Variants in TMEM98 observed in about 807,000 individuals in gnomAD.
The protein encoded by TMEM98 is transmembrane protein 98.
In TMEM98, 18 loss-of-function variants were observed where a neutral mutation model predicts 25.0. The observed-to-expected ratio is 0.72, with a 90% CI of 0.50 to 1.07. The LOEUF (loss-of-function observed/expected upper bound fraction) is 1.07. Among genes scored for constraint, TMEM98 ranks in the 50% least tolerant of loss-of-function variants. The pLI is 0.00. For missense variants in TMEM98, 241 were observed against 289.0 expected, an observed-to-expected ratio of 0.83 and a Z score of 1.20; for synonymous variants, 103 against 112.4, an observed-to-expected ratio of 0.92 and a Z score of 0.53.
At chr17:32,928,897 C>T (rs919978974) in intron 1 of TMEM98, among the ~76,000 whole-genome samples, 45 of 143,882 alleles carry the variant, frequency 3.1e-4, no homozygotes, top group African/African-American at 1.3e-3. Context: ...CACACGCACT[C>T]AGAGGCACAC....
intron 5 of TMEM98, 29 bp from the exon 6 acceptor site, chr17:32,936,303 C>A: frequency 6.3e-7 from 1 of 1,592,188 alleles, no homozygotes; most frequent in Non-Finnish European, 8.6e-7. Context: ...CCAGGTCAGC[C>A]CTCATCTCTC....
chr17:32,934,430 A>G (rs2091485415), intron 5 of TMEM98, 106 bp downstream of exon 5: 4 of 1,296,916 alleles, frequency 3.1e-6, no homozygotes, highest in Non-Finnish European at 4.4e-6. Flanking sequence ...CTCTCGCAAG[A>G]GGCCTTTCCT....
rs28258 is a variant in TMEM98, at chr17:32,941,006, A to T, written c.*13A>T. ...GTCTGCAATTTAGTGCCTACAGGCC[A>T]GCAGCTAGCCATGAAGGCCCCTGCC... On this transcript the variant is annotated 3_prime_UTR_variant, in exon 8 of 8. Coordinates refer to ENST00000579849, the MANE Select transcript of TMEM98 (RefSeq NM_015544.3). 0.057 allele frequency: 90,460 copies of T among 1,584,718 alleles called. 4,452 individuals are homozygous for T. The highest frequency in any genetic ancestry group is 0.25 in the African/African-American group (18,832 of 74,160).
chr17:32,942,462 GC>G lies in TMEM98; in HGVS notation c.*1470del, dbSNP rs1417806138. On this transcript the variant is annotated 3_prime_UTR_variant, in exon 8 of 8. Coordinates refer to ENST00000579849, the MANE Select transcript of TMEM98 (RefSeq NM_015544.3). ...CTAACTGAAGTCAGAAAATTCCTCA[GC>G]TGGATTCTGGGGAACCAGGAACCCA... 6.6e-6 allele frequency: 1 copy of G among 152,230 alleles called. No individual in the cohort carries two copies. Among genetic ancestry groups the G allele is most frequent in the African/African-American group, 2.4e-5 (1 of 41,456 alleles). 9.4% of individuals were successfully genotyped at this position (152,230 alleles called of 1,614,324 possible).
rs1293564183 is a variant in TMEM98, at chr17:32,936,352, G to T, written c.318G>T (p.Glu106Asp). The T allele has an allele frequency of 6.2e-7, 1 of 1,614,050 alleles. No homozygotes were observed. The highest frequency in any genetic ancestry group is 8.5e-7 in the Non-Finnish European group (1 of 1,180,018). ...AILKICHTLT[E>D]KLVAMTMGSG... is the part of the protein sequence containing the mutation. ...ATTAGATTTGTCACACTCTGACAGA[G>T]AAGCTTGTTGCCATGACAATGGGCT... Residue 106 changes from glutamate to aspartate, a missense_variant, in exon 6 of 8, where the codon GAG becomes GAT. Physicochemically the swap from Glu to Asp is conservative, Grantham distance 45. Coordinates refer to ENST00000579849, the MANE Select transcript of TMEM98 (RefSeq NM_015544.3).
At position 32,942,490 on chromosome 17, in the gene TMEM98, A is replaced by G. The variant is rs2091536033; in HGVS notation, c.*1497A>G. The G allele has an allele frequency of 6.6e-6, 1 of 152,238 alleles. No individual in the cohort carries two copies. The highest frequency in any genetic ancestry group is 1.5e-5 in the Non-Finnish European group (1 of 68,048). 9.4% of individuals were successfully genotyped at this position (152,238 alleles called of 1,614,324 possible). ...GGATTCTGGGGAACCAGGAACCCATATTCCCAAATCCAAGATTGGGACCTG... is the reference window on the plus strand; with the variant it reads ...GGATTCTGGGGAACCAGGAACCCATGTTCCCAAATCCAAGATTGGGACCTG... On this transcript the variant is annotated 3_prime_UTR_variant, in exon 8 of 8. Coordinates refer to ENST00000579849, the MANE Select transcript of TMEM98 (RefSeq NM_015544.3).
intron 4 of TMEM98, 102 bp downstream of exon 4, chr17:32,933,407 C>A: frequency 1.4e-6 from 2 of 1,471,830 alleles, no homozygotes; most frequent in South Asian, 1.2e-5. Context: ...AACAGTCACT[C>A]TGTTACTTGC....
chr17:32,928,943 C>T (rs1241971051), intron 1 of TMEM98, among the ~76,000 whole-genome samples: 5 of 126,802 alleles, frequency 3.9e-5, no homozygotes, highest in Admixed American at 1.6e-4. Flanking sequence ...GAAGCACACT[C>T]AAACATTCAG....
Position 32,933,287 on chromosome 17 carries a change from A to C in TMEM98, c.245A>C (p.Asp82Ala), listed in dbSNP as rs1402663900. Reference protein sequence around the residue: ...PHIEAILENEDWIEDASGLMS... With the variant: ...PHIEAILENEAWIEDASGLMS... ...ATTGAGGCCATTCTGGAGAATGAAG[A>C]CTGGATCGAAGATGCCTCGTAAGGC... Residue 82 changes from aspartate to alanine, a missense_variant, in exon 4 of 8, where the codon GAC becomes GCC. Asp to Ala is a moderately radical substitution (Grantham distance 126). Transcript: ENST00000579849. The C allele has an allele frequency of 6.2e-7, 1 of 1,614,126 alleles. No homozygotes were observed. The highest frequency in any genetic ancestry group is 8.5e-7 in the Non-Finnish European group (1 of 1,180,002).
At chr17:32,938,949 A>G (rs1045552825) in intron 6 of TMEM98, among the ~76,000 whole-genome samples, 3 of 152,238 alleles carry the variant, frequency 2.0e-5, no homozygotes, top group African/African-American at 7.2e-5. Flanking sequence ...TTAAAAAACC[A>G]TTGGAACTGA....
rs755559228 is a variant in TMEM98, at chr17:32,934,271, A to T, written c.264-20A>T. The T allele has an allele frequency of 6.2e-7, 1 of 1,613,846 alleles. No homozygotes were observed. Among genetic ancestry groups the T allele is most frequent in the Non-Finnish European group, 8.5e-7 (1 of 1,179,934 alleles). ...GGGCCCCTCCAGATGAGCACTGATG[A>T]CTTCTTCTTGTTTCCCCAGGGGTCT... On this transcript the variant is annotated intron_variant, in intron 4 of 7. Transcript: ENST00000579849.
intron 6 of TMEM98, among the ~76,000 whole-genome samples, chr17:32,938,701 T>C (rs994098540): frequency 1.3e-4 from 20 of 152,266 alleles, no homozygotes; most frequent in South Asian, 1.2e-3. Context: ...TTAATGCTTA[T>C]AAAAATGTGA....
At chr17:32,933,067 C>T (rs1258351303) in intron 3 of TMEM98, 107 bp from the exon 4 acceptor site, 1 of 1,479,954 alleles carries the variant, frequency 6.8e-7, no homozygotes, top group East Asian at 2.4e-5. Flanking sequence ...TCTGCCCTAG[C>T]TTACTGACTC....
chr17:32,939,421 A>G lies in TMEM98; in HGVS notation c.414-56A>G, dbSNP rs2091516059. ...GACTCTGTCTCAGGAAAAAAAAAAA[A>G]AGGAGAAAAGGAGATCAGGAAAGTG... is the stretch of plus-strand genomic sequence containing the variant. On this transcript the variant is annotated intron_variant, in intron 6 of 7. Coordinates refer to ENST00000579849, the MANE Select transcript of TMEM98 (RefSeq NM_015544.3). 4 of 1,422,450 alleles carry G rather than the reference A, an allele frequency of 2.8e-6. No individual in the cohort carries two copies. In the South Asian group the frequency reaches 5.0e-5, roughly 18 times the overall value. The allele number at this position is 1,422,450 out of a possible 1,614,324, so 88.1% of individuals were successfully genotyped here. A position where few individuals can be genotyped will look rare whatever the true frequency, so the allele number is the denominator to read the frequency against.
At chr17:32,939,657 C>T in intron 7 of TMEM98, 121 bp downstream of exon 7, 6 of 1,210,188 alleles carry the variant, frequency 5.0e-6, no homozygotes, top group South Asian at 1.3e-5. Flanking sequence ...CCTCCTTAGG[C>T]TGCCCGGGCC....
chr17:32,929,206 T>C (rs916306150), intron 1 of TMEM98, among the ~76,000 whole-genome samples: 2 of 149,974 alleles, frequency 1.3e-5, no homozygotes, highest in African/African-American at 4.9e-5. Flanking sequence ...GCTCACACAC[T>C]CAGAAGCACA....
chr17:32,928,803 A>ACTCCGAGAAACAGTTCACACT, intron 1 of TMEM98, among the ~76,000 whole-genome samples: 3 of 146,642 alleles, frequency 2.0e-5, no homozygotes, highest in Admixed American at 6.7e-5. Flanking sequence ...TCAGAAACAC[A>ACTCCGAGAAACAGTTCACACT]CGCACTCAGA....
At chr17:32,940,657 T>A in intron 7 of TMEM98, 129 bp from the exon 8 acceptor site, 1 of 890,188 alleles carries the variant, frequency 1.1e-6, no homozygotes, top group Non-Finnish European at 1.7e-6. Flanking sequence ...TTAAATTGCA[T>A]ACCTACCAAC....
chr17:32,929,250 A>G (rs1310585368), intron 1 of TMEM98, among the ~76,000 whole-genome samples: 1 of 151,722 alleles, frequency 6.6e-6, no homozygotes, highest in Admixed American at 6.6e-5. Context: ...CAGAAACAGA[A>G]AAACAGCTCA....
Sources: gnomAD v4.1 joint callset for allele counts (sites outside exome capture counted in the v4.1 genomes callset) on GRCh38, gnomAD v4.1.1 for gene constraint, MANE v1.5 for transcripts, NCBI Gene and HGNC (gene_info 2026-07-23, HGNC 2026-07-21) for gene names.